PTPRM: variants seen among roughly 807,000 people sequenced by gnomAD.
PTPRM encodes the protein receptor-type tyrosine-protein phosphatase mu.
A neutral mutation model predicts 186.7 loss-of-function variants in PTPRM; 47 were observed. That is an observed-to-expected ratio of 0.25 (90% confidence interval 0.20 to 0.32). PTPRM has a LOEUF of 0.32. Ranked by LOEUF, PTPRM falls within the 10% of genes least tolerant of loss-of-function variation. The pLI is 1.00. For synonymous variants in PTPRM, 668 were observed against 674.9 expected (o/e 0.99, Z 0.16); for missense variants, 1,494 against 1,865.0 (o/e 0.80, Z 3.66).
In PTPRM at chr18:7,853,815, G is replaced by C. The variant is rs917603308; in HGVS notation, c.197-34291G>C. Among the ~76,000 whole-genome samples, 9 of 152,136 alleles carry C rather than the reference G, an allele frequency of 5.9e-5. No homozygotes were observed. In the East Asian group the frequency reaches 1.7e-3, roughly 29 times the overall value. ...CACCAAGATAAACAGCTTCAATCAG[G>C]GAGCAGTTTTTTCTAATCAGGTTTA... is the stretch of plus-strand genomic sequence containing the variant. On this transcript the variant is annotated intron_variant, in intron 2 of 32. Transcript: ENST00000580170.
chr18:8,009,182 T>C (rs2084368857), intron 7 of PTPRM, among the ~76,000 whole-genome samples: 1 of 152,160 alleles, frequency 6.6e-6, no homozygotes, highest in Admixed American at 6.6e-5. Flanking sequence ...GAATTAACAG[T>C]GCTGTATGTA....
At chr18:7,875,265 T>A (rs750748079) in intron 2 of PTPRM, among the ~76,000 whole-genome samples, 1 of 151,962 alleles carries the variant, frequency 6.6e-6, no homozygotes, top group Non-Finnish European at 1.5e-5. Context: ...AATTGTTCAC[T>A]GTATTATGGT....
At chr18:8,347,200 G>A (rs118110742) in intron 23 of PTPRM, among the ~76,000 whole-genome samples, 103 of 152,294 alleles carry the variant, frequency 6.8e-4, no homozygotes, top group Non-Finnish European at 1.2e-3. Flanking sequence ...ACTGGAGCTC[G>A]CTTACAGGAA....
chr18:7,681,431 AG>A, intron 1 of PTPRM, among the ~76,000 whole-genome samples: 1 of 152,256 alleles, frequency 6.6e-6, no homozygotes. Flanking sequence ...GTTGGTTTAC[AG>A]GGAAGTGGAG....
chr18:7,987,036 A>G (rs1365554425), intron 7 of PTPRM, among the ~76,000 whole-genome samples: 1 of 152,124 alleles, frequency 6.6e-6, no homozygotes, highest in Non-Finnish European at 1.5e-5. Flanking sequence ...AACTGTAGAA[A>G]ATGTGCTTAT....
At chr18:8,374,484 G>A (rs1243434026) in intron 24 of PTPRM, among the ~76,000 whole-genome samples, 1 of 152,180 alleles carries the variant, frequency 6.6e-6, no homozygotes, top group Non-Finnish European at 1.5e-5. Flanking sequence ...CAGAAAGCTG[G>A]GGGAGCTTTC....
intron 1 of PTPRM, among the ~76,000 whole-genome samples, chr18:7,680,815 C>T (rs1488077556): frequency 6.6e-6 from 1 of 152,194 alleles, no homozygotes; most frequent in African/African-American, 2.4e-5. Context: ...ATAGGCCATG[C>T]CCATAAGGGG....
At chr18:7,823,172 A>T (rs1381162460) in intron 2 of PTPRM, among the ~76,000 whole-genome samples, 1 of 152,200 alleles carries the variant, frequency 6.6e-6, no homozygotes, top group Non-Finnish European at 1.5e-5. Context: ...GGATGCTTAC[A>T]AAGCTTCCCC....
chr18:8,121,190 G>A (rs1210397446), intron 13 of PTPRM, among the ~76,000 whole-genome samples: 1 of 152,168 alleles, frequency 6.6e-6, no homozygotes, highest in Admixed American at 6.6e-5. Context: ...TGCTGCAGTT[G>A]TCTAGTTGTA....
intron 2 of PTPRM, among the ~76,000 whole-genome samples, chr18:7,819,001 GTAAGGCCTGAGCAGTGATT>G (rs1386553897): frequency 1.3e-5 from 2 of 152,190 alleles, no homozygotes; most frequent in African/African-American, 4.8e-5. Flanking sequence ...CCTGGGAGAG[GTAAGGCCTGAGCAGTGATT>G]TGAGGAAAGG....
intron 14 of PTPRM, among the ~76,000 whole-genome samples, chr18:8,206,900 G>A (rs902485588): frequency 6.6e-6 from 1 of 152,220 alleles, no homozygotes; most frequent in South Asian, 2.1e-4. Context: ...AGAGACACGG[G>A]GAGAAGGCTG....
At chr18:7,691,344 C>G (rs1030633201) in intron 1 of PTPRM, among the ~76,000 whole-genome samples, 7 of 152,048 alleles carry the variant, frequency 4.6e-5, no homozygotes, top group African/African-American at 1.7e-4. Flanking sequence ...TAAACTAGCC[C>G]CATTCTGACT....
intron 13 of PTPRM, among the ~76,000 whole-genome samples, chr18:8,139,439 C>T (rs963597771): frequency 2.0e-5 from 3 of 152,154 alleles, no homozygotes; most frequent in Middle Eastern, 3.2e-3. Flanking sequence ...CTGCCTCCAC[C>T]GTGGCCCGCT....
chr18:7,870,558 T>A (rs2047932457), intron 2 of PTPRM, among the ~76,000 whole-genome samples: 1 of 152,212 alleles, frequency 6.6e-6, no homozygotes, highest in African/African-American at 2.4e-5. Flanking sequence ...TACTCTCTAG[T>A]ACTTAATTTT....
At chr18:8,159,450 T>A (rs926009492) in intron 14 of PTPRM, among the ~76,000 whole-genome samples, 2 of 152,102 alleles carry the variant, frequency 1.3e-5, no homozygotes, top group Non-Finnish European at 2.9e-5. Flanking sequence ...AATCCCAACA[T>A]ACTATTTCTT....
At chr18:7,830,881 A>AT (rs2045727497) in intron 2 of PTPRM, among the ~76,000 whole-genome samples, 1 of 152,070 alleles carries the variant, frequency 6.6e-6, no homozygotes, top group Admixed American at 6.6e-5. Flanking sequence ...ACGTAGTTTG[A>AT]TTTTTCTGTA....
chr18:7,586,412 T>C (rs1379888649), intron 1 of PTPRM, among the ~76,000 whole-genome samples: 1 of 152,146 alleles, frequency 6.6e-6, no homozygotes, highest in Non-Finnish European at 1.5e-5. Flanking sequence ...TTGATATCTT[T>C]AGTTTGGGGG....
At chr18:8,039,378 A>G (rs1438400979) in intron 7 of PTPRM, among the ~76,000 whole-genome samples, 1 of 152,130 alleles carries the variant, frequency 6.6e-6, no homozygotes, top group Non-Finnish European at 1.5e-5. Flanking sequence ...TTGTTTTAGA[A>G]TCATTGCTTT....
At chr18:7,981,415 G>T (rs73383825) in intron 7 of PTPRM, among the ~76,000 whole-genome samples, 2,253 of 152,216 alleles carry the variant, frequency 0.015, 68 homozygotes, top group African/African-American at 0.052. Context: ...GATTCAGTCT[G>T]CATTAGTAGT....
Sources: allele counts gnomAD v4.1 joint callset (sites outside exome capture counted in the v4.1 genomes callset), GRCh38; gene constraint gnomAD v4.1.1; transcripts MANE v1.5; gene names NCBI Gene and HGNC (gene_info 2026-07-23, HGNC 2026-07-21).